The following RARRES2 variants were observed in gnomAD, a reference collection of about 807,000 sequenced individuals.
RARRES2 encodes retinoic acid receptor responder 2.
In RARRES2, 12 loss-of-function variants were observed where a neutral mutation model predicts 17.9. That is an observed-to-expected ratio of 0.67 (90% CI 0.43 to 1.08). The LOEUF (loss-of-function observed/expected upper bound fraction) is 1.08, where lower values mean the gene tolerates loss of function less well. Ranked by LOEUF, RARRES2 falls within the 50% of genes least tolerant of loss-of-function variation. RARRES2 has a pLI of 0.00. For synonymous variants in RARRES2, 82 were observed against 86.8 expected, an observed-to-expected ratio of 0.94 and a Z score of 0.31; for missense variants, 220 against 210.1, an observed-to-expected ratio of 1.05 and a Z score of -0.29.
At position 150,340,537 on chromosome 7, in the gene RARRES2, C is replaced by T; in HGVS notation, c.73G>A (p.Ala25Thr). Residue 25 changes from alanine to threonine, a missense_variant, in exon 2 of 6, where the codon GCC (alanine) becomes ACC (threonine). Transcript: ENST00000223271. ...GCCACCTGCAGGCCCCGGCGCTGGG[C>T]TTCCGTGAGCTCGGCGACGCCCACG... ...VGVGVAELTE[A>T]QRRGLQVALE... is the part of the protein sequence containing the mutation. 1 of 1,581,534 alleles carries T rather than the reference C, an allele frequency of 6.3e-7. No individual in the cohort carries two copies.
intron 3 of RARRES2, 123 bp from the exon 4 acceptor site, chr7:150,339,204 C>G: frequency 1.1e-6 from 1 of 913,268 alleles, no homozygotes. Context: ...CCCTCGAGCC[C>G]AGGAGCAAGA....
rs1798398220 is a variant in RARRES2, at chr7:150,338,723, C to T, written c.394G>A (p.Glu132Lys). 1 of 1,555,930 alleles carries T rather than the reference C, an allele frequency of 6.4e-7. No individual in the cohort carries two copies. Among genetic ancestry groups the T allele is most frequent in the East Asian group, 2.4e-5 (1 of 41,166 alleles). The stretch of plus-strand genomic sequence containing the variant: ...CGCTGCACCCTGAGGCACTGGGTCT[C>T]CTGGTGCTCCTCAGCCTCCTGCCAG... ...QVLREAEEHQETQCLRVQRAG... is the reference protein window; with the variant it reads ...QVLREAEEHQKTQCLRVQRAG... The change falls in exon 5 of 6, where the codon GAG becomes AAG. Residue 132 changes from glutamate to lysine, a missense_variant. By Grantham distance (56) the Glu-to-Lys change is moderately conservative. Transcript: ENST00000223271.
Position 150,340,109 on chromosome 7 carries a change from C to A in RARRES2, c.270G>T (p.Arg90Ser), listed in dbSNP as rs769855032. The change falls in exon 3 of 6, where the codon AGG becomes AGT. Residue 90 changes from arginine to serine, a missense_variant. Transcript: ENST00000223271. ...RDWKKPECKVRPNGRKRKCLA... is the reference protein window; with the variant it reads ...RDWKKPECKVSPNGRKRKCLA... ...ACACCCCTTCACTCACCCCATTGGG[C>A]CTGACTTTGCACTCGGGTTTCTTCC... The A allele has an allele frequency of 6.2e-7, 1 of 1,614,036 alleles. No homozygotes were observed. Among genetic ancestry groups the A allele is most frequent in the Non-Finnish European group, 8.5e-7 (1 of 1,179,880 alleles).
In RARRES2 at chr7:150,340,627, G is replaced by A; in HGVS notation, c.-18C>T. 6.7e-7 allele frequency: 1 copy of A among 1,485,310 alleles called. No homozygotes were observed. Among genetic ancestry groups the A allele is most frequent in the South Asian group, 1.3e-5 (1 of 77,274 alleles). The allele number at this position is 1,485,310 out of a possible 1,614,324, so 92.0% of individuals were successfully genotyped here. A position where few individuals can be genotyped will look rare whatever the true frequency, so the allele number is the denominator to read the frequency against. The stretch of plus-strand genomic sequence containing the variant: ...CGTCGCATGCTTCCGTGTCACCCTG[G>A]CCCTGCGAAGCGGGTGTGCGCCCCT... On this transcript the variant is annotated splice_region_variant and 5_prime_UTR_variant, in exon 2 of 6. Coordinates refer to ENST00000223271, the MANE Select transcript of RARRES2 (RefSeq NM_002889.4).
At chr7:150,339,561 G>C (rs138191392) in intron 3 of RARRES2, among the ~76,000 whole-genome samples, 66 of 152,140 alleles carry the variant, frequency 4.3e-4, no homozygotes, top group African/African-American at 1.5e-3. Context: ...CATTGCTATA[G>C]TCCAGTGCCC....
In RARRES2 at chr7:150,340,591, G is replaced by T; in HGVS notation, c.19C>A (p.Pro7Thr). The T allele has an allele frequency of 6.5e-7, 1 of 1,538,886 alleles. No individual in the cohort carries two copies. The highest frequency in any genetic ancestry group is 2.0e-5 in the Admixed American group (1 of 51,174). Residue 7 changes from proline (P) to threonine (T), a missense_variant, in exon 2 of 6, where the codon CCT becomes ACT. By Grantham distance (38) the Pro-to-Thr change is conservative. Transcript: ENST00000223271. Reference protein sequence around the residue: MRRLLIPLALWLGAVGV... With the variant: MRRLLITLALWLGAVGV... Reference sequence around the variant, plus strand: ...ACCGCACCCAGCCACAGGGCCAGAGGGATCAGCAGCCGTCGCATGCTTCCG... The same window carrying T: ...ACCGCACCCAGCCACAGGGCCAGAGTGATCAGCAGCCGTCGCATGCTTCCG...
chr7:150,340,146 C>G lies in RARRES2; in HGVS notation c.233G>C (p.Arg78Pro), dbSNP rs199682879. ...LEFKLQQTSCRKRDWKKPECK... is the reference protein window; with the variant it reads ...LEFKLQQTSCPKRDWKKPECK... The stretch of plus-strand genomic sequence containing the variant: ...CTCGGGTTTCTTCCAGTCCCTCTTC[C>G]GGCAGCTTGTCTGCTGCAGCTTAAA... The change falls in exon 3 of 6, where the codon CGG becomes CCG. Residue 78 changes from arginine to proline, a missense_variant. Physicochemically the swap from Arg to Pro is moderately radical, Grantham distance 103. Transcript: ENST00000223271. The G allele has an allele frequency of 6.8e-6, 11 of 1,614,178 alleles. No homozygotes were observed. The Admixed American group carries it at 8.3e-5, about 12-fold the overall frequency.
chr7:150,340,676 C>T (rs1798464469), intron 1 of RARRES2, 47 bp from the exon 2 acceptor site: 2 of 1,415,656 alleles, frequency 1.4e-6, no homozygotes, highest in Non-Finnish European at 1.8e-6. Flanking sequence ...CAGCCCGAGC[C>T]GCCTCCTCCC....
chr7:150,338,535 C>T (rs1412537670), intron 5 of RARRES2, 80 bp downstream of exon 5: 3 of 1,517,830 alleles, frequency 2.0e-6, no homozygotes, highest in Non-Finnish European at 2.7e-6. Context: ...CCCTCCCAGG[C>T]TCCCAAAGCC....
intron 4 of RARRES2, 100 bp from the exon 5 acceptor site, chr7:150,338,841 A>G (rs751237227): frequency 3.8e-6 from 6 of 1,568,050 alleles, no homozygotes; most frequent in Non-Finnish European, 5.2e-6. Context: ...CCCTTGGAGA[A>G]TGTCCAAACA....
At chr7:150,340,364 C>T in intron 2 of RARRES2, 72 bp downstream of exon 2, 1 of 1,551,438 alleles carries the variant, frequency 6.4e-7, no homozygotes, top group Non-Finnish European at 8.7e-7. Flanking sequence ...GCACTTCTGT[C>T]CCCCTTCGTG....
intron 3 of RARRES2, 149 bp downstream of exon 3, chr7:150,339,951 T>G: frequency 1.3e-6 from 1 of 741,318 alleles, no homozygotes; most frequent in Non-Finnish European, 2.3e-6. Flanking sequence ...CTAAGGAGGC[T>G]CTTCGCAGTG....
intron 4 of RARRES2, 74 bp downstream of exon 4, chr7:150,338,912 G>T: frequency 6.5e-7 from 1 of 1,543,400 alleles, no homozygotes; most frequent in Non-Finnish European, 8.9e-7. Flanking sequence ...TTAGCCTCGA[G>T]ACCAGCCCAT....
intron 2 of RARRES2, 85 bp from the exon 3 acceptor site, chr7:150,340,289 C>T (rs1265031415): frequency 2.4e-5 from 37 of 1,554,690 alleles, no homozygotes; most frequent in South Asian, 1.7e-4. Flanking sequence ...ACCTCCCTCA[C>T]GCAGTCACAT....
intron 3 of RARRES2, among the ~76,000 whole-genome samples, chr7:150,339,413 TG>T (rs1172466980): frequency 6.6e-6 from 1 of 152,186 alleles, no homozygotes; most frequent in African/African-American, 2.4e-5. Context: ...GATGTATGCA[TG>T]GATGTGTCTG....
intron 1 of RARRES2, chr7:150,340,938 C>T (rs78067665): frequency 0.055 from 12,601 of 228,896 alleles, 1,359 homozygotes; most frequent in African/African-American, 0.25. Context: ...CCCATTGTGT[C>T]TCTCCCTGGG....
intron 2 of RARRES2, 102 bp from the exon 3 acceptor site, chr7:150,340,306 A>G: frequency 6.5e-7 from 1 of 1,535,430 alleles, no homozygotes; most frequent in Non-Finnish European, 8.9e-7. Context: ...ACATTCCAGC[A>G]GGCTGGACAG....
rs760662057 is a variant in RARRES2 at position 150,339,036 on chromosome 7, T to G, written c.325A>C (p.Lys109Gln). ...CAGTGGACCAACCGGCCCAGAACTT[T>G]GTCCTCAGAGCCCAGTTTGATGCAG... ...LACIKLGSEDKVLGRLVHCPI... is the reference protein window; with the variant it reads ...LACIKLGSEDQVLGRLVHCPI... Residue 109 changes from lysine to glutamine, a missense_variant, in exon 4 of 6, where the codon AAA (lysine) becomes CAA (glutamine). Coordinates refer to ENST00000223271, the MANE Select transcript of RARRES2 (RefSeq NM_002889.4). The G allele has an allele frequency of 1.2e-6, 2 of 1,613,658 alleles. No homozygotes were observed. Among genetic ancestry groups the G allele is most frequent in the Non-Finnish European group, 1.7e-6 (2 of 1,179,600 alleles).
Position 150,338,347 on chromosome 7 carries a change from A to T in RARRES2, c.*103T>A. ...AGGCAGCTGGGAGAGCAGCTTTATT[A>T]TCATGGCTGGGGATAGAACGGGTTC... On this transcript the variant is annotated 3_prime_UTR_variant, in exon 6 of 6. Coordinates refer to ENST00000223271, the MANE Select transcript of RARRES2 (RefSeq NM_002889.4). 7.0e-7 allele frequency: 1 copy of T among 1,421,504 alleles called. No individual in the cohort carries two copies. Among genetic ancestry groups the T allele is most frequent in the Non-Finnish European group, 9.3e-7 (1 of 1,074,220 alleles). 88.1% of individuals were successfully genotyped at this position (1,421,504 alleles called of 1,614,324 possible). A position where few individuals can be genotyped will look rare whatever the true frequency, so the allele number is the denominator to read the frequency against.
Sources: allele counts gnomAD v4.1 joint callset (sites outside exome capture counted in the v4.1 genomes callset), GRCh38; gene constraint gnomAD v4.1.1; transcripts MANE v1.5; gene names NCBI Gene and HGNC (gene_info 2026-07-23, HGNC 2026-07-21).